CREM: variants seen among roughly 807,000 people sequenced by gnomAD.
CREM encodes cAMP-responsive element modulator.
In CREM, 13 loss-of-function variants were observed where a neutral mutation model predicts 37.3. That is an observed-to-expected ratio of 0.35 (90% confidence interval 0.23 to 0.55). The LOEUF (loss-of-function observed/expected upper bound fraction) is 0.55. Ranked by LOEUF, CREM falls within the 20% of genes least tolerant of loss-of-function variation. CREM has a pLI of 0.88. For synonymous variants in CREM, 124 were observed against 120.2 expected (o/e 1.03, Z -0.21); for missense variants, 296 against 362.3 (o/e 0.82, Z 1.49).
chr10:35,151,287 G>A (rs1231572772), intron 3 of CREM, among the ~76,000 whole-genome samples: 1 of 152,186 alleles, frequency 6.6e-6, no homozygotes, highest in African/African-American at 2.4e-5. Flanking sequence ...AATCTGGATA[G>A]TAAATTCTTG....
chr10:35,144,901 T>TG (rs1270854205), intron 2 of CREM, among the ~76,000 whole-genome samples: 1 of 152,084 alleles, frequency 6.6e-6, no homozygotes, highest in African/African-American at 2.4e-5. Context: ...TGGCCATGCC[T>TG]GTAATCCTAG....
intron 2 of CREM, among the ~76,000 whole-genome samples, chr10:35,140,793 G>A (rs1403114863): frequency 3.3e-5 from 5 of 152,344 alleles, no homozygotes; most frequent in Middle Eastern, 3.4e-3. Flanking sequence ...ACAAAGAAGG[G>A]TAAAGGGCAT....
At chr10:35,208,293 A>G (rs1295890606) in intron 7 of CREM, among the ~76,000 whole-genome samples, 2 of 151,952 alleles carry the variant, frequency 1.3e-5, no homozygotes, top group East Asian at 3.8e-4. Context: ...GTCAGCTCTC[A>G]TTTTCTCTCA....
chr10:35,206,087 A>T (rs570279303), intron 6 of CREM, among the ~76,000 whole-genome samples: 36 of 151,872 alleles, frequency 2.4e-4, no homozygotes, highest in African/African-American at 8.0e-4. Flanking sequence ...TCTCTACTAA[A>T]AATACAAAAA....
At chr10:35,179,020 T>C (rs2094230341) in intron 4 of CREM, 34 bp downstream of exon 4, 1 of 1,568,828 alleles carries the variant, frequency 6.4e-7, no homozygotes, top group Non-Finnish European at 8.7e-7. Flanking sequence ...GTAAAGATAC[T>C]TTTTCCAAAA....
chr10:35,134,494 G>A (rs1161834962), intron 1 of CREM, among the ~76,000 whole-genome samples: 2 of 152,212 alleles, frequency 1.3e-5, no homozygotes, highest in African/African-American at 2.4e-5. Flanking sequence ...TGGGATTACA[G>A]GGGTGAGCCA....
chr10:35,175,918 G>A (rs1421466314), intron 3 of CREM: 17 of 1,552,356 alleles, frequency 1.1e-5, no homozygotes, highest in Admixed American at 7.8e-5. Flanking sequence ...AGTTACCTTC[G>A]GGCCAAACTA....
chr10:35,148,766 G>A, intron 3 of CREM: 1 of 287,744 alleles, frequency 3.5e-6, no homozygotes, highest in Non-Finnish European at 6.5e-6. Flanking sequence ...ATTTGAGAGG[G>A]TTGCTAATTC....
chr10:35,137,006 G>T (rs1463638576), intron 1 of CREM, among the ~76,000 whole-genome samples: 1 of 152,012 alleles, frequency 6.6e-6, no homozygotes, highest in Admixed American at 6.6e-5. Context: ...TAGAGACAAG[G>T]TCTCACTGTG....
intron 5 of CREM, among the ~76,000 whole-genome samples, chr10:35,181,206 T>G (rs2094337812): frequency 6.6e-6 from 1 of 152,220 alleles, no homozygotes; most frequent in Admixed American, 6.5e-5. Context: ...TTGTGCCATT[T>G]GCAAACTCAA....
chr10:35,187,164 TATATATTAATATTAA>T (rs2094659113), intron 5 of CREM, among the ~76,000 whole-genome samples: 1 of 42,820 alleles, frequency 2.3e-5, no homozygotes, highest in Non-Finnish European at 4.6e-5. Context: ...TAATATATAT[TATATATTAATATTAA>T]TATATAAATA....
chr10:35,148,697 A>G, intron 3 of CREM: 2 of 499,862 alleles, frequency 4.0e-6, no homozygotes, highest in South Asian at 6.0e-5. Context: ...CTCCATTGCC[A>G]CCACCACTAT....
At chr10:35,163,257 A>G (rs530504057) in intron 3 of CREM, among the ~76,000 whole-genome samples, 66 of 152,224 alleles carry the variant, frequency 4.3e-4, no homozygotes, top group Non-Finnish European at 6.2e-4. Context: ...CAAAAATATT[A>G]AATGTGTGCG....
At chr10:35,169,517 A>G (rs1271552109) in intron 3 of CREM, among the ~76,000 whole-genome samples, 1 of 152,236 alleles carries the variant, frequency 6.6e-6, no homozygotes, top group Non-Finnish European at 1.5e-5. Context: ...GGTTTTCTAA[A>G]TATACAATCA....
rs867217326 is a variant in CREM at position 35,187,130 on chromosome 10, T to A, written c.410-1070T>A. Among the ~76,000 whole-genome samples, 663 of 77,246 alleles carry A rather than the reference T, an allele frequency of 8.6e-3. 13 individuals are homozygous for A. Among genetic ancestry groups the A allele is most frequent in the African/African-American group, 0.033 (596 of 18,148 alleles). The allele number at this position is 77,246 out of a possible 152,430, so 50.7% of individuals were successfully genotyped here. ...ATATTATATAAATATATAAATATAT[T>A]AATATATTAATATATAATATATATA... On this transcript the variant is annotated intron_variant, in intron 5 of 7. Coordinates refer to ENST00000685392, the MANE Select transcript of CREM (RefSeq NM_183011.2).
Position 35,142,887 on chromosome 10 carries a change from C to T in CREM, c.44+5008C>T, listed in dbSNP as rs186780526. 2.6e-3 allele frequency among the ~76,000 whole-genome samples: 390 copies of T among 152,278 alleles called. 3 individuals are homozygous for T. Among genetic ancestry groups the T allele is most frequent in the African/African-American group, 9.0e-3 (374 of 41,554 alleles). ...CCCCCCAGAGTGTTGGGATTACAGG[C>T]GTGAGCCCCTGTGCTTGGCCTCAAT... On this transcript the variant is annotated intron_variant, in intron 2 of 7. Transcript: ENST00000685392.
At chr10:35,196,403 A>T (rs1048167349) in intron 6 of CREM, 3 of 388,450 alleles carry the variant, frequency 7.7e-6, no homozygotes, top group African/African-American at 6.2e-5. Context: ...AGTGTTGTTT[A>T]TTCAGTGGTC....
At chr10:35,147,041 GTTTTTTTTTTTTT>G (rs755346866) in intron 2 of CREM, among the ~76,000 whole-genome samples, 52 of 121,012 alleles carry the variant, frequency 4.3e-4, no homozygotes, top group Admixed American at 1.4e-3. Context: ...AGTTTTTTGG[GTTTTTTTTTTTTT>G]TTTTTTTTTT....
At chr10:35,179,445 T>C (rs779248371) in intron 5 of CREM, 169 bp downstream of exon 5, 2 of 773,662 alleles carry the variant, frequency 2.6e-6, no homozygotes, top group Non-Finnish European at 3.6e-6. Context: ...ATCTTTGTAT[T>C]GACAGCTGTC....
Sources: gnomAD v4.1 joint callset for allele counts (sites outside exome capture counted in the v4.1 genomes callset) on GRCh38, gnomAD v4.1.1 for gene constraint, MANE v1.5 for transcripts, NCBI Gene and HGNC (gene_info 2026-07-23, HGNC 2026-07-21) for gene names.